CATSPERE: variants seen among roughly 807,000 people sequenced by gnomAD.
CATSPERE encodes the protein cation channel sperm-associated auxiliary subunit epsilon.
In CATSPERE, 93 loss-of-function variants were observed where a neutral mutation model predicts 114.1. That is an observed-to-expected ratio of 0.81 (90% CI 0.69 to 0.97). The LOEUF (loss-of-function observed/expected upper bound fraction) is 0.97, where lower values mean the gene tolerates loss of function less well. Ranked by LOEUF, CATSPERE falls within the 50% of genes least tolerant of loss-of-function variation. CATSPERE has a pLI of 0.00. For synonymous variants in CATSPERE, 341 were observed against 384.1 expected (o/e 0.89, Z 1.31); for missense variants, 1,058 against 1,131.6 (o/e 0.93, Z 0.93).
chr1:244,622,039 C>T (rs1414515528), intron 20 of CATSPERE, among the ~76,000 whole-genome samples: 2 of 152,204 alleles, frequency 1.3e-5, no homozygotes, highest in Non-Finnish European at 2.9e-5. Flanking sequence ...CACAGTTTAT[C>T]GCATCTATCT....
chr1:244,595,932 C>CAAAAAAA (rs1668351970), intron 17 of CATSPERE, among the ~76,000 whole-genome samples: 1 of 150,122 alleles, frequency 6.7e-6, no homozygotes, highest in Non-Finnish European at 1.5e-5. Flanking sequence ...GACTCCGTCT[C>CAAAAAAA]AAAAAAGAAA....
At chr1:244,483,901 T>C (rs1308729376) in intron 5 of CATSPERE, among the ~76,000 whole-genome samples, 1 of 152,154 alleles carries the variant, frequency 6.6e-6, no homozygotes, top group Non-Finnish European at 1.5e-5. Flanking sequence ...TCATAAGGAT[T>C]TCTCCTATAT....
intron 2 of CATSPERE, among the ~76,000 whole-genome samples, chr1:244,466,742 C>T (rs542330424): frequency 1.3e-5 from 2 of 152,116 alleles, no homozygotes; most frequent in Non-Finnish European, 2.9e-5. Flanking sequence ...TATCAATAGT[C>T]AAAAAGTTGC....
At chr1:244,559,753 A>G (rs1014388882) in intron 9 of CATSPERE, among the ~76,000 whole-genome samples, 21 of 152,346 alleles carry the variant, frequency 1.4e-4, no homozygotes, top group African/African-American at 4.8e-4. Context: ...TGAAAGGCAC[A>G]CTCCAGGCCA....
intron 17 of CATSPERE, among the ~76,000 whole-genome samples, chr1:244,601,727 C>T (rs923359421): frequency 1.2e-4 from 18 of 152,004 alleles, no homozygotes; most frequent in Non-Finnish European, 7.4e-5. Flanking sequence ...CCAAGGTGGG[C>T]GGATCACTTG....
upstream of CATSPERE, chr1:244,451,707 C>T (rs752503983): frequency 5.6e-6 from 9 of 1,612,398 alleles, no homozygotes; most frequent in Non-Finnish European, 7.6e-6. The surrounding 1 kb of genome is among the most constrained non-coding windows in gnomAD (Gnocchi z 6.6). Context: ...CGTCGCCCCA[C>T]TGCGCACCGA....
chr1:244,496,821 G>C (rs955487425), intron 6 of CATSPERE, among the ~76,000 whole-genome samples: 1 of 152,184 alleles, frequency 6.6e-6, no homozygotes, highest in African/African-American at 2.4e-5. Context: ...GGCAGGCATT[G>C]AAATACACAG....
At chr1:244,621,137 A>AT (rs1197332750) in intron 20 of CATSPERE, among the ~76,000 whole-genome samples, 2 of 62,590 alleles carry the variant, frequency 3.2e-5, no homozygotes, top group African/African-American at 7.1e-5. Context: ...AAATATATAT[A>AT]AAATATATAT....
rs1244925574 is a variant in CATSPERE at position 244,575,915 on chromosome 1, C to T, written c.1950+3143C>T. Among the ~76,000 whole-genome samples, 1 of 151,938 alleles carries T rather than the reference C, an allele frequency of 6.6e-6. No individual in the cohort carries two copies. The highest frequency in any genetic ancestry group is 1.5e-5 in the Non-Finnish European group (1 of 68,002). ...CACCTCTTTTTAACCTCTAAGACAC[C>T]CTAAGAAATACTTCACCGCCTCCCA... On this transcript the variant is annotated intron_variant, in intron 11 of 21. Transcript: ENST00000366534. This position sits in a 1 kb window ranked among gnomAD's most constrained non-coding sequence, Gnocchi z 4.5.
At chr1:244,540,027 T>C (rs1383435364) in intron 8 of CATSPERE, among the ~76,000 whole-genome samples, 2 of 151,498 alleles carry the variant, frequency 1.3e-5, no homozygotes, top group Non-Finnish European at 3.0e-5. Flanking sequence ...AAGAGCTATC[T>C]ATGACAAACT....
Position 244,461,489 on chromosome 1 carries a change from T to G in CATSPERE, c.60T>G (p.Leu20=), listed in dbSNP as rs377006714. The change falls in exon 1 of 22, where the codon CTT becomes CTG. Residue 20 remains leucine, a synonymous_variant. Coordinates refer to ENST00000366534, the MANE Select transcript of CATSPERE (RefSeq NM_001130957.2). Reference sequence around the variant, plus strand: ...GGCTGAGCTGCTATGGCTCCGCCCTTTGGAGGTAGAGAGACGCCAGTCGCA... The same window carrying G: ...GGCTGAGCTGCTATGGCTCCGCCCTGTGGAGGTAGAGAGACGCCAGTCGCA... The part of the protein sequence containing the change: ...LLWLSCYGSA[L]WRYSTNSPNY... The G allele has an allele frequency of 2.3e-6, 3 of 1,325,608 alleles. No homozygotes were observed. Among genetic ancestry groups the G allele is most frequent in the Non-Finnish European group, 2.9e-6 (3 of 1,029,808 alleles). 82.1% of individuals were successfully genotyped at this position (1,325,608 alleles called of 1,614,324 possible). A position where few individuals can be genotyped will look rare whatever the true frequency, so the allele number is the denominator to read the frequency against.
chr1:244,554,286 A>G (rs954189734), intron 9 of CATSPERE, among the ~76,000 whole-genome samples: 3 of 152,202 alleles, frequency 2.0e-5, no homozygotes, highest in African/African-American at 7.2e-5. Flanking sequence ...GTACTAATTT[A>G]CATTCCCACC....
chr1:244,563,229 G>T (rs150239799), intron 10 of CATSPERE, among the ~76,000 whole-genome samples: 2 of 152,170 alleles, frequency 1.3e-5, no homozygotes, highest in Admixed American at 1.3e-4. Flanking sequence ...AAACATAGGT[G>T]TGCATATGTC....
rs79741027 is a variant in CATSPERE at position 244,484,338 on chromosome 1, C to T, written c.326+4554C>T. On this transcript the variant is annotated intron_variant, in intron 5 of 21. Transcript: ENST00000366534. ...AAATATCAATAAACACATCCTAGAC[C>T]GTATATGGAGAAGCAAAAGACTCCG... Among the ~76,000 whole-genome samples the T allele has an allele frequency of 2.4e-3, 372 of 152,120 alleles. 5 individuals are homozygous for T. The East Asian group carries it at 0.045, about 18-fold the overall frequency.
intron 20 of CATSPERE, among the ~76,000 whole-genome samples, chr1:244,627,764 T>C (rs1242585763): frequency 6.6e-6 from 1 of 152,218 alleles, no homozygotes; most frequent in Non-Finnish European, 1.5e-5. Context: ...ATGCTATTTC[T>C]CCTTATCCAC....
intron 10 of CATSPERE, 35 bp from the exon 11 acceptor site, chr1:244,572,295 A>G: frequency 9.8e-7 from 1 of 1,020,856 alleles, no homozygotes; most frequent in Non-Finnish European, 1.4e-6. Context: ...ATTTATGGTT[A>G]CTTAGACTAA....
At position 244,518,442 on chromosome 1, in the gene CATSPERE, A is replaced by C; in HGVS notation, c.430-150A>C. On this transcript the variant is annotated intron_variant, in intron 7 of 21. Coordinates refer to ENST00000366534, the MANE Select transcript of CATSPERE (RefSeq NM_001130957.2). ...GCATGGGGAGGAGGCTATAAGGTAG[A>C]AAGAACAAAGCTGAATCTTGAGCAC... The C allele has an allele frequency of 5.4e-6, 3 of 552,478 alleles. No individual in the cohort carries two copies. In the East Asian group the frequency reaches 9.8e-5, roughly 18 times the overall value. The allele number at this position is 552,478 out of a possible 1,614,324, so 34.2% of individuals were successfully genotyped here.
chr1:244,495,585 G>A (rs1455067930), intron 6 of CATSPERE, among the ~76,000 whole-genome samples: 1 of 152,116 alleles, frequency 6.6e-6, no homozygotes, highest in Non-Finnish European at 1.5e-5. Flanking sequence ...TTTCAGCATG[G>A]TGGTGCATGC....
intron 7 of CATSPERE, among the ~76,000 whole-genome samples, chr1:244,514,285 G>A (rs1193237645): frequency 6.6e-6 from 1 of 152,144 alleles, no homozygotes; most frequent in Non-Finnish European, 1.5e-5. Flanking sequence ...GAGTTAAATA[G>A]CCACTTTCAA....
Sources: allele counts gnomAD v4.1 joint callset (sites outside exome capture counted in the v4.1 genomes callset), GRCh38; gene constraint gnomAD v4.1.1; non-coding constraint Gnocchi (gnomAD v3.1); transcripts MANE v1.5; gene names NCBI Gene and HGNC (gene_info 2026-07-23, HGNC 2026-07-21).